The following CFAP52 variants were observed in gnomAD, a reference collection of about 807,000 sequenced individuals.
CFAP52 encodes the protein cilia and flagella associated protein 52, also known as cilia- and flagella-associated protein 52.
CFAP52 carries 57 observed loss-of-function variants against 70.5 expected under a neutral mutation model. The observed-to-expected ratio is 0.81, with a 90% CI of 0.65 to 1.01. CFAP52 has a LOEUF of 1.01. Ranked by LOEUF, CFAP52 falls within the 50% of genes least tolerant of loss-of-function variation. CFAP52 has a pLI of 0.00. For missense variants in CFAP52, 785 were observed against 788.5 expected (o/e 1.00, Z 0.05); for synonymous variants, 267 against 292.5 (o/e 0.91, Z 0.89).
intron 1 of CFAP52, among the ~76,000 whole-genome samples, chr17:9,581,297 G>A (rs1011646046): frequency 4.6e-5 from 7 of 152,124 alleles, no homozygotes; most frequent in East Asian, 1.9e-4. Context: ...AATTGTTCAC[G>A]TTAAAACAGT....
intron 6 of CFAP52, among the ~76,000 whole-genome samples, chr17:9,604,482 T>C (rs1206562654): frequency 6.6e-6 from 1 of 152,094 alleles, no homozygotes; most frequent in Non-Finnish European, 1.5e-5. Flanking sequence ...GATATACAGA[T>C]GGCAGCCGGG....
intron 7 of CFAP52, among the ~76,000 whole-genome samples, chr17:9,608,743 C>T (rs1909603655): frequency 1.3e-5 from 2 of 152,138 alleles, no homozygotes; most frequent in Non-Finnish European, 2.9e-5. Flanking sequence ...TAAAATGAAA[C>T]AAAACCTTAT....
chr17:9,598,203 T>G, intron 4 of CFAP52, 31 bp from the exon 5 acceptor site: 10 of 1,508,482 alleles, frequency 6.6e-6, no homozygotes, highest in South Asian at 2.4e-5. Context: ...GTCCATTTGA[T>G]TGTGGTTTTT....
chr17:9,589,801 C>CTTTTATTTT (rs1555540972), intron 3 of CFAP52: 6 of 93,186 alleles, frequency 6.4e-5, no homozygotes, highest in Non-Finnish European at 3.9e-5. Flanking sequence ...CTTAGCTCAA[C>CTTTTATTTT]TTTTTTTTTT....
chr17:9,628,700 G>A lies in CFAP52; in HGVS notation c.1054G>A (p.Ala352Thr). ...FGTAELFATC[A>T]KKDIRVWHTS... is the part of the protein sequence containing the mutation. ...CACTGCTGAGCTATTTGCAACCTGT[G>A]CCAAGAAGGATATCAGGGTGTGGCA... The change falls in exon 9 of 14, where the codon GCC (alanine) becomes ACC (threonine). Residue 352 changes from alanine (A) to threonine (T), a missense_variant. Ala to Thr is a moderately conservative substitution (Grantham distance 58). Transcript: ENST00000352665. 3 of 1,614,144 alleles carry A rather than the reference G, an allele frequency of 1.9e-6. No homozygotes were observed. Among genetic ancestry groups the A allele is most frequent in the Non-Finnish European group, 2.5e-6 (3 of 1,180,010 alleles).
Position 9,628,797 on chromosome 17 carries a change from G to A in CFAP52, c.1151G>A (p.Arg384Lys), listed in dbSNP as rs1193131126. Residue 384 changes from arginine (R) to lysine (K), a missense_variant, in exon 9 of 14, where the codon AGG becomes AAG. Coordinates refer to ENST00000352665, the MANE Select transcript of CFAP52 (RefSeq NM_145054.5). ...NMTCHGIDFM[R>K]DGKSIISAWN... ...ACCTGCCACGGCATCGACTTCATGA[G>A]GGACGGCAAAAGCATCATTTCAGGT... 6.2e-7 allele frequency: 1 copy of A among 1,614,104 alleles called. No individual in the cohort carries two copies. The highest frequency in any genetic ancestry group is 8.5e-7 in the Non-Finnish European group (1 of 1,180,012).
At position 9,632,966 on chromosome 17, in the gene CFAP52, T is replaced by C. The variant is rs756980914; in HGVS notation, c.1253T>C (p.Ile418Thr). Residue 418 changes from isoleucine to threonine, a missense_variant, in exon 10 of 14, where the codon ATC becomes ACC. By Grantham distance (89) the Ile-to-Thr change is moderately conservative. Transcript: ENST00000352665. ...LMYVINNAHR[I>T]GVTAIATTSD... ...TATGTCATTAACAATGCTCACAGGA[T>C]CGGCGTCACCGCCATCGCCACCACC... 1.9e-6 allele frequency: 3 copies of C among 1,614,138 alleles called. No individual in the cohort carries two copies. The highest frequency in any genetic ancestry group is 1.7e-6 in the Non-Finnish European group (2 of 1,180,022).
chr17:9,633,069 G>T lies in CFAP52; in HGVS notation c.1320+36G>T, dbSNP rs781430506. 1.0e-5 allele frequency: 16 copies of T among 1,600,810 alleles called. No homozygotes were observed. In the Admixed American group the frequency reaches 2.5e-4, roughly 25 times the overall value. On this transcript the variant is annotated intron_variant, in intron 10 of 13. Transcript: ENST00000352665. ...CAGAAATTTGAAAAAATAACGCTCT[G>T]TTTAGAACAACTGCCCTATAGGAAG...
chr17:9,594,153 C>T, intron 3 of CFAP52, 40 bp from the exon 4 acceptor site: 2 of 1,535,230 alleles, frequency 1.3e-6, no homozygotes, highest in Non-Finnish European at 1.8e-6. Flanking sequence ...AGCCTGTTTT[C>T]TCTTTGACTT....
At chr17:9,642,726 A>G (rs1489322052) in intron 13 of CFAP52, among the ~76,000 whole-genome samples, 2 of 152,220 alleles carry the variant, frequency 1.3e-5, no homozygotes, top group Non-Finnish European at 2.9e-5. Context: ...GATCCCAATC[A>G]TATATATGAT....
intron 8 of CFAP52, among the ~76,000 whole-genome samples, chr17:9,626,331 G>A (rs1910231479): frequency 6.6e-6 from 1 of 152,228 alleles, no homozygotes; most frequent in African/African-American, 2.4e-5. Flanking sequence ...CTGGGTTCAA[G>A]TGATTCTCCT....
chr17:9,600,165 GA>G lies in CFAP52; in HGVS notation c.737del (p.Lys246ArgfsTer14). On this transcript the variant is annotated frameshift_variant, in exon 6 of 14. Coordinates refer to ENST00000352665, the MANE Select transcript of CFAP52 (RefSeq NM_145054.5). LOFTEE classifies it high-confidence loss of function. The part of the protein sequence containing the change: ...TKLLTDVGPA[K>X]DKFSLGVSAI... ...AACTGCTGACAGATGTTGGGCCTGC[GA>G]AGGACAAATTCAGTTTGGTGAGTAG... The G allele has an allele frequency of 6.2e-7, 1 of 1,613,926 alleles. No individual in the cohort carries two copies.
chr17:9,582,076 A>T (rs1216438692), intron 1 of CFAP52, among the ~76,000 whole-genome samples: 1 of 152,220 alleles, frequency 6.6e-6, no homozygotes, highest in African/African-American at 2.4e-5. Context: ...TTTGCAACCA[A>T]GAACCATAAT....
intron 6 of CFAP52, among the ~76,000 whole-genome samples, chr17:9,603,078 T>TTTTTG (rs1490517339): frequency 1.3e-5 from 2 of 152,260 alleles, no homozygotes; most frequent in Admixed American, 6.5e-5. Flanking sequence ...ACTAGTGGAT[T>TTTTTG]TTTTGTTTTG....
chr17:9,627,110 G>A (rs1597790527), intron 8 of CFAP52, among the ~76,000 whole-genome samples: 1 of 143,578 alleles, frequency 7.0e-6, no homozygotes, highest in Non-Finnish European at 1.5e-5. Context: ...TTTAGAGGTT[G>A]CCTTTTTTTT....
At position 9,612,316 on chromosome 17, in the gene CFAP52, C is replaced by T. The variant is rs772674669; in HGVS notation, c.862C>T (p.Gln288Ter). The T allele has an allele frequency of 1.2e-6, 2 of 1,613,696 alleles. No homozygotes were observed. Among genetic ancestry groups the T allele is most frequent in the African/African-American group, 2.7e-5 (2 of 74,930 alleles). ...SPGYKPIKKI[Q>*]LQGGITSITL... is the part of the protein sequence containing the mutation. ...TTGTGCTTCTCCCTAAAGGAAGATT[C>T]AGTTACAAGGCGGCATCACTTCTAT... Residue 288 changes from glutamine (Q) to a stop codon, truncating the protein, a stop_gained, in exon 8 of 14, where the codon CAG becomes TAG. Transcript: ENST00000352665. LOFTEE classifies it high-confidence loss of function.
intron 1 of CFAP52, among the ~76,000 whole-genome samples, chr17:9,583,354 A>G (rs1454782869): frequency 6.6e-6 from 1 of 152,172 alleles, no homozygotes; most frequent in African/African-American, 2.4e-5. Flanking sequence ...GGAATCACAT[A>G]AAGCACCAAA....
intron 9 of CFAP52, 29 bp from the exon 10 acceptor site, chr17:9,632,859 G>A (rs73253896): frequency 6.2e-7 from 1 of 1,611,444 alleles, no homozygotes; most frequent in Non-Finnish European, 8.5e-7. Flanking sequence ...TACTGATCCT[G>A]CCTGCCTTTT....
intron 13 of CFAP52, 77 bp from the exon 14 acceptor site, chr17:9,642,946 G>T: frequency 8.1e-7 from 1 of 1,242,142 alleles, no homozygotes; most frequent in South Asian, 2.1e-5. Context: ...TGTTGAAAAT[G>T]ATCCAGTTAT....
Sources: gnomAD v4.1 joint callset for allele counts (sites outside exome capture counted in the v4.1 genomes callset) on GRCh38, gnomAD v4.1.1 for gene constraint, MANE v1.5 for transcripts, NCBI Gene and HGNC (gene_info 2026-07-23, HGNC 2026-07-21) for gene names.